SFRP2: variants seen among roughly 807,000 people sequenced by gnomAD.
The protein encoded by SFRP2 is secreted frizzled-related protein 2.
Under a neutral mutation model 26.0 loss-of-function variants are expected in SFRP2, and 16 were observed. That is an observed-to-expected ratio of 0.61 (90% confidence interval 0.42 to 0.93). The LOEUF (loss-of-function observed/expected upper bound fraction) is 0.93, where lower values mean the gene tolerates loss of function less well. Ranked by LOEUF, SFRP2 falls within the 40% of genes least tolerant of loss-of-function variation. The pLI is 0.00. For missense variants in SFRP2, 343 were observed against 392.4 expected (o/e 0.87, Z 1.06); for synonymous variants, 173 against 167.3 (o/e 1.03, Z -0.26).
rs1475183404 is a variant in SFRP2, at chr4:153,788,919, G to T, written c.-84C>A. The T allele has an allele frequency of 7.1e-7, 1 of 1,413,014 alleles. No homozygotes were observed. The highest frequency in any genetic ancestry group is 9.3e-7 in the Non-Finnish European group (1 of 1,079,994). 87.5% of individuals were successfully genotyped at this position (1,413,014 alleles called of 1,614,324 possible). A position where few individuals can be genotyped will look rare whatever the true frequency, so the allele number is the denominator to read the frequency against. On this transcript the variant is annotated 5_prime_UTR_variant, in exon 1 of 3. Transcript: ENST00000274063. ...CGGAGTTCGAGCTTGTCCCGGGCCC[G>T]CTCTCTTCGCTGGGTGCGACTCGGG...
chr4:153,787,527 G>C (rs1329121648), intron 1 of SFRP2, among the ~76,000 whole-genome samples: 2 of 152,192 alleles, frequency 1.3e-5, no homozygotes, highest in South Asian at 2.1e-4. Context: ...AAAATATTGA[G>C]AGCCCATGAG....
intron 1 of SFRP2, among the ~76,000 whole-genome samples, 189 bp from the exon 2 acceptor site, chr4:153,786,133 T>TG (rs1560811123): frequency 1.3e-4 from 20 of 152,114 alleles, no homozygotes; most frequent in Admixed American, 1.1e-3. Context: ...CCCAATTTTT[T>TG]TGGGGGGGAG....
At position 153,788,317 on chromosome 4, in the gene SFRP2, C is replaced by T; in HGVS notation, c.502+17G>A. On this transcript the variant is annotated intron_variant, in intron 1 of 2. Transcript: ENST00000274063. ...CTCAGCCCAGCAGGGAGTGGGGAAG[C>T]AAGAGGGAAGGCTTACCTTCCTCGG... The T allele has an allele frequency of 1.9e-6, 3 of 1,603,006 alleles. No homozygotes were observed. Among genetic ancestry groups the T allele is most frequent in the Non-Finnish European group, 2.6e-6 (3 of 1,172,804 alleles).
chr4:153,788,527 G>A lies in SFRP2; in HGVS notation c.309C>T (p.Cys103=), dbSNP rs751866721. The A allele has an allele frequency of 7.4e-6, 12 of 1,614,084 alleles. No homozygotes were observed. Among genetic ancestry groups the A allele is most frequent in the Non-Finnish European group, 9.3e-6 (11 of 1,180,036 alleles). ...KFLCSLFAPV[C]LDDLDETIQP... Reference sequence around the variant, plus strand: ...GGATGGTCTCGTCTAGGTCATCGAGGCAGACGGGGGCGAAGAGCGAGCACA... The same window carrying A: ...GGATGGTCTCGTCTAGGTCATCGAGACAGACGGGGGCGAAGAGCGAGCACA... The change falls in exon 1 of 3, where the codon TGC becomes TGT. Residue 103 remains cysteine (C), a synonymous_variant. Transcript: ENST00000274063.
In SFRP2 at chr4:153,788,690, A is replaced by G; in HGVS notation, c.146T>C (p.Leu49Pro). Residue 49 changes from leucine (L) to proline (P), a missense_variant, in exon 1 of 3, where the codon CTG becomes CCG. Physicochemically the swap from Leu to Pro is moderately conservative, Grantham distance 98. Transcript: ENST00000274063. Reference protein sequence around the residue: ...NCKPIPANLQLCHGIEYQNMR... With the variant: ...NCKPIPANLQPCHGIEYQNMR... ...GTTCTGGTATTCGATGCCGTGGCAC[A>G]GCTGCAGGTTGGCAGGGATGGGCTT... 6.2e-7 allele frequency: 1 copy of G among 1,614,098 alleles called. No homozygotes were observed. The highest frequency in any genetic ancestry group is 8.5e-7 in the Non-Finnish European group (1 of 1,179,994).
In SFRP2 at chr4:153,788,481, C is replaced by G. The variant is rs775356830; in HGVS notation, c.355G>C (p.Val119Leu). 3 of 1,614,190 alleles carry G rather than the reference C, an allele frequency of 1.9e-6. No homozygotes were observed. In the Admixed American group the frequency reaches 5.0e-5, roughly 27 times the overall value. The stretch of plus-strand genomic sequence containing the variant: ...GGGGCGCAGCGGTCCTTCACCTGCA[C>G]GCAGAGCGAGTGGCATGGCTGGATG... ...ETIQPCHSLCVQVKDRCAPVM... is the reference protein window; with the variant it reads ...ETIQPCHSLCLQVKDRCAPVM... Residue 119 changes from valine (V) to leucine (L), a missense_variant, in exon 1 of 3, where the codon GTG becomes CTG. This residue lies in a region of SFRP2 where 251 missense variants were observed against 253.3 expected (regional missense o/e 0.99). Coordinates refer to ENST00000274063, the MANE Select transcript of SFRP2 (RefSeq NM_003013.3).
At chr4:153,784,305 G>T (rs552112788) in intron 2 of SFRP2, among the ~76,000 whole-genome samples, 7 of 152,212 alleles carry the variant, frequency 4.6e-5, no homozygotes, top group Non-Finnish European at 8.8e-5. Flanking sequence ...GCTGAGAACT[G>T]TGTTTTGGTA....
At chr4:153,788,071 T>A (rs1433823588) in intron 1 of SFRP2, among the ~76,000 whole-genome samples, 2 of 152,202 alleles carry the variant, frequency 1.3e-5, no homozygotes, top group African/African-American at 4.8e-5. Flanking sequence ...TTGTTGTTTT[T>A]GTTTGTTTGT....
rs1343495454 is a variant in SFRP2, at chr4:153,781,252, T to G, written c.*199A>C. 1 of 559,932 alleles carries G rather than the reference T, an allele frequency of 1.8e-6. No homozygotes were observed. The highest frequency in any genetic ancestry group is 3.2e-6 in the Non-Finnish European group (1 of 315,560). 34.7% of individuals were successfully genotyped at this position (559,932 alleles called of 1,614,324 possible). On this transcript the variant is annotated 3_prime_UTR_variant, in exon 3 of 3. Coordinates refer to ENST00000274063, the MANE Select transcript of SFRP2 (RefSeq NM_003013.3). ...GATTCGGGTGGGCTTTTCCTTTAGG[T>G]GAAAACAGCTATCCACTCCTGTGGC...
intron 2 of SFRP2, among the ~76,000 whole-genome samples, 196 bp from the exon 3 acceptor site, chr4:153,781,951 G>A (rs568714178): frequency 6.6e-6 from 1 of 152,250 alleles, no homozygotes; most frequent in East Asian, 1.9e-4. Flanking sequence ...AAGCCTCAAA[G>A]CATTTGCCAG....
Position 153,781,246 on chromosome 4 carries a change from T to G in SFRP2, c.*205A>C. The G allele has an allele frequency of 1.8e-6, 1 of 555,282 alleles. No homozygotes were observed. The highest frequency in any genetic ancestry group is 3.1e-5 in the Admixed American group (1 of 31,856). 34.4% of individuals were successfully genotyped at this position (555,282 alleles called of 1,614,324 possible). ...CTACAAGATTCGGGTGGGCTTTTCC[T>G]TTAGGTGAAAACAGCTATCCACTCC... is the stretch of plus-strand genomic sequence containing the variant. On this transcript the variant is annotated 3_prime_UTR_variant, in exon 3 of 3. Transcript: ENST00000274063.
At chr4:153,784,364 G>C (rs1376036533) in intron 2 of SFRP2, among the ~76,000 whole-genome samples, 1 of 152,210 alleles carries the variant, frequency 6.6e-6, no homozygotes, top group Non-Finnish European at 1.5e-5. Flanking sequence ...CTGGCTCTTA[G>C]CCAGTTTGAG....
chr4:153,788,807 A>C lies in SFRP2; in HGVS notation c.29T>G (p.Leu10Arg). The change falls in exon 1 of 3, where the codon CTG becomes CGG. Residue 10 changes from leucine (L) to arginine (R), a missense_variant. Leu to Arg is a moderately radical substitution (Grantham distance 102). Coordinates refer to ENST00000274063, the MANE Select transcript of SFRP2 (RefSeq NM_003013.3). ...GCAGCAGTGCGAGGCGAGGAAGAGC[A>C]GCAGCAGCGAGCCAGGGCCCTGCAG... is the stretch of plus-strand genomic sequence containing the variant. MLQGPGSLLLLFLASHCCLG... is the reference protein window; with the variant it reads MLQGPGSLLRLFLASHCCLG... The C allele has an allele frequency of 6.2e-7, 1 of 1,602,092 alleles. No homozygotes were observed. Among genetic ancestry groups the C allele is most frequent in the South Asian group, 1.1e-5 (1 of 90,902 alleles).
chr4:153,788,250 T>A (rs1348142867), intron 1 of SFRP2, 84 bp downstream of exon 1: 2 of 1,465,902 alleles, frequency 1.4e-6, no homozygotes, highest in Non-Finnish European at 1.9e-6. Context: ...CAAGCAGGGA[T>A]GCACTGGGAT....
rs945559586 is a variant in SFRP2, at chr4:153,789,072, C to T, written c.-237G>A. ...TCCGACCCGGGGGAGCAGAATGAGC[C>T]GTTGCTGGGGCACAGCCAGAGTTTT... On this transcript the variant is annotated 5_prime_UTR_variant, in exon 1 of 3. Coordinates refer to ENST00000274063, the MANE Select transcript of SFRP2 (RefSeq NM_003013.3). 1 of 491,922 alleles carries T rather than the reference C, an allele frequency of 2.0e-6. No homozygotes were observed. The highest frequency in any genetic ancestry group is 3.8e-5 in the South Asian group (1 of 26,500). 30.5% of individuals were successfully genotyped at this position (491,922 alleles called of 1,614,324 possible). A position where few individuals can be genotyped will look rare whatever the true frequency, so the allele number is the denominator to read the frequency against.
chr4:153,788,500 C>CTG lies in SFRP2; in HGVS notation c.334_335dup (p.Gln112HisfsTer11), dbSNP rs1741252382. On this transcript the variant is annotated frameshift_variant, in exon 1 of 3. Transcript: ENST00000274063. LOFTEE classifies it high-confidence loss of function. Reference sequence around the variant, plus strand: ...CCTGCACGCAGAGCGAGTGGCATGGCTGGATGGTCTCGTCTAGGTCATCGA... The same window carrying CTG: ...CCTGCACGCAGAGCGAGTGGCATGGCTGTGGATGGTCTCGTCTAGGTCATCGA... 1.2e-6 allele frequency: 2 copies of CTG among 1,614,198 alleles called. No individual in the cohort carries two copies. Among genetic ancestry groups the CTG allele is most frequent in the East Asian group, 4.5e-5 (2 of 44,878 alleles).
Position 153,788,928 on chromosome 4 carries a change from G to T in SFRP2, c.-93C>A, listed in dbSNP as rs1369193606. 5.0e-6 allele frequency: 7 copies of T among 1,396,262 alleles called. No homozygotes were observed. Among genetic ancestry groups the T allele is most frequent in the East Asian group, 2.6e-5 (1 of 38,616 alleles). 86.5% of individuals were successfully genotyped at this position (1,396,262 alleles called of 1,614,324 possible). ...AGCTTGTCCCGGGCCCGCTCTCTTC[G>T]CTGGGTGCGACTCGGGGCCCCGAAA... On this transcript the variant is annotated 5_prime_UTR_variant, in exon 1 of 3. Transcript: ENST00000274063.
Position 153,788,849 on chromosome 4 carries a change from C to A in SFRP2, c.-14G>T. On this transcript the variant is annotated 5_prime_UTR_variant, in exon 1 of 3. Transcript: ENST00000274063. ...GCCCTGCAGCATCGTGGGCGCGCGA[C>A]CCCGAGGGGGCAGAGGGAGCGGAGC... is the stretch of plus-strand genomic sequence containing the variant. The A allele has an allele frequency of 8.9e-6, 14 of 1,571,290 alleles. No homozygotes were observed. The highest frequency in any genetic ancestry group is 1.1e-5 in the South Asian group (1 of 88,286).
At chr4:153,783,295 T>C (rs1207099016) in intron 2 of SFRP2, among the ~76,000 whole-genome samples, 1 of 152,232 alleles carries the variant, frequency 6.6e-6, no homozygotes, top group Non-Finnish European at 1.5e-5. Context: ...GCCTTGTCTG[T>C]AGTACAGGTA....
Sources: gnomAD v4.1 joint callset for allele counts (sites outside exome capture counted in the v4.1 genomes callset) on GRCh38, gnomAD v4.1.1 for gene constraint, gnomAD v4.1.1 regional missense constraint, MANE v1.5 for transcripts, NCBI Gene and HGNC (gene_info 2026-07-23, HGNC 2026-07-21) for gene names.